TCF4: variants seen among roughly 807,000 people sequenced by gnomAD.
TCF4 encodes the protein transcription factor 4.
Under a neutral mutation model 82.1 loss-of-function variants are expected in TCF4, and 3 were observed. The ratio of observed to expected loss-of-function variants is 0.04; its 90% CI spans 0.02 to 0.09. The LOEUF (loss-of-function observed/expected upper bound fraction) is 0.09, where lower values mean the gene tolerates loss of function less well. TCF4 is among the 10% of genes least tolerant of loss of function. TCF4 has a pLI of 1.00. For missense variants in TCF4, 518 were observed against 852.7 expected (o/e 0.61, Z 4.89); for synonymous variants, 276 against 309.6 (o/e 0.89, Z 1.14).
chr18:55,285,481 G>T (rs2063481833), intron 8 of TCF4, among the ~76,000 whole-genome samples: 1 of 152,200 alleles, frequency 6.6e-6, no homozygotes, highest in Non-Finnish European at 1.5e-5. Flanking sequence ...CTAGAAAGCT[G>T]CTGTCCAATC....
intron 3 of TCF4, among the ~76,000 whole-genome samples, chr18:55,514,428 CA>C (rs2096859662): frequency 6.6e-6 from 1 of 151,802 alleles, no homozygotes; most frequent in Non-Finnish European, 1.5e-5. Flanking sequence ...CACACACACA[CA>C]CACACACACA....
At chr18:55,373,475 T>A (rs2089898975) in intron 6 of TCF4, among the ~76,000 whole-genome samples, 1 of 152,058 alleles carries the variant, frequency 6.6e-6, no homozygotes, top group African/African-American at 2.4e-5. Flanking sequence ...GAAATTTAAA[T>A]CAATTAGAAG....
intron 8 of TCF4, among the ~76,000 whole-genome samples, chr18:55,296,010 C>A (rs1306380715): frequency 2.0e-5 from 3 of 152,068 alleles, no homozygotes; most frequent in Admixed American, 6.6e-5. Flanking sequence ...ACAGCTCACT[C>A]ATAGTAGGCA....
chr18:55,367,868 A>G (rs960239224), intron 6 of TCF4, among the ~76,000 whole-genome samples: 2 of 152,250 alleles, frequency 1.3e-5, no homozygotes, highest in Non-Finnish European at 2.9e-5. Context: ...AAGAAGCTTC[A>G]TTAAACCAAT....
intron 3 of TCF4, among the ~76,000 whole-genome samples, chr18:55,536,797 T>A (rs959456788): frequency 6.6e-6 from 1 of 152,240 alleles, no homozygotes; most frequent in Non-Finnish European, 1.5e-5. Context: ...TTTGTATGTA[T>A]GTATATTACA....
chr18:55,511,753 T>G lies in TCF4; in HGVS notation c.146-47616A>C, dbSNP rs192891289. ...CATTTCTCAATAAAGTTACATGACA[T>G]AAAGGGAGAAAATTATACACAGTGA... is the stretch of plus-strand genomic sequence containing the variant. On this transcript the variant is annotated intron_variant, in intron 3 of 19. Coordinates refer to ENST00000354452, the MANE Select transcript of TCF4 (RefSeq NM_001083962.2). Among the ~76,000 whole-genome samples, 489 of 152,232 alleles carry G rather than the reference T, an allele frequency of 3.2e-3. 6 individuals are homozygous for G. The highest frequency in any genetic ancestry group is 2.3e-3 in the Non-Finnish European group (157 of 67,962).
Position 55,228,242 on chromosome 18 carries a change from G to C in TCF4, c.1999C>G (p.His667Asp). 1.9e-6 allele frequency: 3 copies of C among 1,614,170 alleles called. No homozygotes were observed. Among genetic ancestry groups the C allele is most frequent in the Non-Finnish European group, 2.5e-6 (3 of 1,180,020 alleles). ...PHPGMGDASN[H>D]MGQM Reference sequence around the variant, plus strand: ...TTGCCCTTTTACATCTGTCCCATGTGATTCGATGCGTCTCCCATTCCAGGG... The same window carrying C: ...TTGCCCTTTTACATCTGTCCCATGTCATTCGATGCGTCTCCCATTCCAGGG... Residue 667 changes from histidine (H) to aspartate (D), a missense_variant, in exon 19 of 20, where the codon CAC becomes GAC. His to Asp is a moderately conservative substitution (Grantham distance 81). Transcript: ENST00000354452.
intron 6 of TCF4, among the ~76,000 whole-genome samples, chr18:55,380,676 G>A (rs2145851623): frequency 6.6e-6 from 1 of 152,326 alleles, no homozygotes; most frequent in Non-Finnish European, 1.5e-5. Context: ...ATCCTGCAGT[G>A]CTATGCTCAT....
Position 55,402,617 on chromosome 18 carries a change from AAAGG to A in TCF4, c.369+833_369+836del, listed in dbSNP as rs568677326. Reference sequence around the variant, plus strand: ...AAGTAAGAAACCAATGCACTTATAAAAAGGAAGTATAAATTTTTAAAAAAGATTT... The same window carrying A: ...AAGTAAGAAACCAATGCACTTATAAAAAGTATAAATTTTTAAAAAAGATTT... On this transcript the variant is annotated intron_variant, in intron 6 of 19. Coordinates refer to ENST00000354452, the MANE Select transcript of TCF4 (RefSeq NM_001083962.2). Among the ~76,000 whole-genome samples the A allele has an allele frequency of 6.0e-3, 907 of 152,282 alleles. 9 individuals carry two copies. Among genetic ancestry groups the A allele is most frequent in the African/African-American group, 0.021 (875 of 41,566 alleles).
At chr18:55,537,605 T>TA (rs1472529444) in intron 3 of TCF4, among the ~76,000 whole-genome samples, 2 of 151,842 alleles carry the variant, frequency 1.3e-5, no homozygotes, top group Non-Finnish European at 2.9e-5. Flanking sequence ...AAAATAATAA[T>TA]AAAAAAATTA....
intron 3 of TCF4, among the ~76,000 whole-genome samples, chr18:55,522,329 A>T (rs1403200780): frequency 6.6e-6 from 1 of 152,192 alleles, no homozygotes; most frequent in Non-Finnish European, 1.5e-5. Flanking sequence ...ACATGTTAAA[A>T]ACTGTGTAGT....
At chr18:55,305,445 T>A (rs944152169) in intron 8 of TCF4, among the ~76,000 whole-genome samples, 1 of 152,198 alleles carries the variant, frequency 6.6e-6, no homozygotes, top group Non-Finnish European at 1.5e-5. Flanking sequence ...GAAATCACTA[T>A]GAACTAAGCA....
At chr18:55,337,101 A>G (rs1483386979) in intron 8 of TCF4, among the ~76,000 whole-genome samples, 1 of 152,118 alleles carries the variant, frequency 6.6e-6, no homozygotes, top group African/African-American at 2.4e-5. Flanking sequence ...ACTCAAAAAT[A>G]TGTGTTTAAA....
At chr18:55,583,208 A>G (rs1350416779) in intron 3 of TCF4, among the ~76,000 whole-genome samples, 1 of 152,124 alleles carries the variant, frequency 6.6e-6, no homozygotes, top group Non-Finnish European at 1.5e-5. Context: ...TGAAAACACC[A>G]TTTCTGGTAC....
Position 55,261,291 on chromosome 18 carries a change from C to G in TCF4, c.990+175G>C, listed in dbSNP as rs1380340341. 3 of 754,984 alleles carry G rather than the reference C, an allele frequency of 4.0e-6. No homozygotes were observed. In the African/African-American group the frequency reaches 5.3e-5, roughly 13 times the overall value. 46.8% of individuals were successfully genotyped at this position (754,984 alleles called of 1,614,324 possible). On this transcript the variant is annotated intron_variant, in intron 12 of 19. Transcript: ENST00000354452. Reference sequence around the variant, plus strand: ...GAGGATGAGAGAAAGAGACTATATACTGGAAGCTTCAGAGCCTTCTCAAAT... The same window carrying G: ...GAGGATGAGAGAAAGAGACTATATAGTGGAAGCTTCAGAGCCTTCTCAAAT...
At chr18:55,433,882 G>A (rs1005279015) in intron 5 of TCF4, among the ~76,000 whole-genome samples, 2 of 151,880 alleles carry the variant, frequency 1.3e-5, no homozygotes, top group South Asian at 4.2e-4. Context: ...TCATCCATGC[G>A]CACGACACTG....
chr18:55,312,227 C>A (rs2072708874), intron 8 of TCF4, among the ~76,000 whole-genome samples: 1 of 152,106 alleles, frequency 6.6e-6, no homozygotes. Flanking sequence ...TTGAGAGATG[C>A]AAGATTCTAA....
chr18:55,589,230 G>A (rs541139632), upstream of TCF4: 61 of 1,024,024 alleles, frequency 6.0e-5, no homozygotes, highest in Non-Finnish European at 7.1e-5. Context: ...TAAAACATCG[G>A]GATCGACATT....
intron 5 of TCF4, among the ~76,000 whole-genome samples, chr18:55,454,407 GTT>G (rs1555660811): frequency 1.3e-5 from 2 of 152,042 alleles, no homozygotes; most frequent in Non-Finnish European, 1.5e-5. Flanking sequence ...TTCATTCAAC[GTT>G]TAAACCCTAT....
Sources: gnomAD v4.1 joint callset for allele counts (sites outside exome capture counted in the v4.1 genomes callset) on GRCh38, gnomAD v4.1.1 for gene constraint, MANE v1.5 for transcripts, NCBI Gene and HGNC (gene_info 2026-07-23, HGNC 2026-07-21) for gene names.